Variants in DGKK observed in about 807,000 individuals in gnomAD.
DGKK encodes 142 kDa diacylglycerol kinase.
In DGKK, 35 loss-of-function variants were observed where a neutral mutation model predicts 92.2. The ratio of observed to expected loss-of-function variants is 0.38; its 90% confidence interval spans 0.29 to 0.50. DGKK has a LOEUF of 0.50. Among genes scored for constraint, DGKK ranks in the 20% least tolerant of loss-of-function variants. DGKK has a pLI of 0.92. For missense variants in DGKK, 910 were observed against 992.2 expected (o/e 0.92, Z 1.11); for synonymous variants, 368 against 360.6 (o/e 1.02, Z -0.23).
intron 1 of DGKK, among the ~76,000 whole-genome samples, chrX:50,468,757 AT>A (rs1926975256): frequency 9.1e-6 from 1 of 110,003 alleles, no homozygotes. Flanking sequence ...TCTACATTCT[AT>A]AAGTGTGCGG....
chrX:50,386,257 G>A (rs1924540561), intron 15 of DGKK, 101 bp downstream of exon 15: 1 of 567,234 alleles, frequency 1.8e-6, no homozygotes, highest in Non-Finnish European at 2.9e-6. Context: ...ACTTTTTGTA[G>A]CAGAGTCAGA....
At chrX:50,428,195 AATT>A (rs10665078) in intron 1 of DGKK, among the ~76,000 whole-genome samples, 53 of 105,353 alleles carry the variant, frequency 5.0e-4, no homozygotes, top group Non-Finnish European at 5.4e-4. Context: ...TCCAATAATA[AATT>A]ATTATTATTA....
chrX:50,444,348 T>C (rs1467430390), intron 1 of DGKK, among the ~76,000 whole-genome samples: 1 of 110,899 alleles, frequency 9.0e-6, no homozygotes. Flanking sequence ...ATAAGTAAGC[T>C]CATTTCACAG....
At position 50,365,484 on chromosome X, in the gene DGKK, G is replaced by A. The variant is rs1032699353; in HGVS notation, c.*3456C>T. The A allele has an allele frequency of 1.8e-5, 2 of 111,418 alleles. No homozygotes were observed. The highest frequency in any genetic ancestry group is 6.5e-5 in the African/African-American group (2 of 30,628). 9.2% of individuals were successfully genotyped at this position (111,418 alleles called of 1,213,427 possible). Reference sequence around the variant, plus strand: ...ATTGAGGACTGGTGTTCCATTTGGCGGGGGGAGAGGAATAGGCACACTTTG... The same window carrying A: ...ATTGAGGACTGGTGTTCCATTTGGCAGGGGGAGAGGAATAGGCACACTTTG... On this transcript the variant is annotated 3_prime_UTR_variant, in exon 28 of 28. Transcript: ENST00000611977.
intron 4 of DGKK, among the ~76,000 whole-genome samples, chrX:50,407,384 A>C (rs1490368365): frequency 2.7e-5 from 3 of 111,548 alleles, no homozygotes; most frequent in Non-Finnish European, 5.6e-5. Flanking sequence ...GGTATCAATC[A>C]ATTCAGTCCT....
At chrX:50,428,195 A>AATTATTATTATTATT (rs10665078) in intron 1 of DGKK, among the ~76,000 whole-genome samples, 1 of 105,363 alleles carries the variant, frequency 9.5e-6, no homozygotes, top group African/African-American at 3.5e-5. Context: ...TCCAATAATA[A>AATTATTATTATTATT]ATTATTATTA....
At chrX:50,456,333 T>C (rs1557232881) in intron 1 of DGKK, among the ~76,000 whole-genome samples, 2 of 111,936 alleles carry the variant, frequency 1.8e-5, no homozygotes, top group African/African-American at 6.5e-5. Context: ...TTCTCAGTCC[T>C]CACAAAAAAG....
intron 1 of DGKK, among the ~76,000 whole-genome samples, chrX:50,449,247 A>T (rs1458717150): frequency 9.0e-6 from 1 of 110,735 alleles, no homozygotes; most frequent in African/African-American, 3.3e-5. Context: ...TTGAGATATT[A>T]CCCATTTGGA....
intron 15 of DGKK, among the ~76,000 whole-genome samples, chrX:50,385,545 A>G (rs1408044278): frequency 8.9e-6 from 1 of 111,741 alleles, no homozygotes; most frequent in Non-Finnish European, 1.9e-5. Flanking sequence ...ATAGAGGCAA[A>G]TTGATTGTTT....
At chrX:50,396,606 C>T (rs1217176271) in intron 8 of DGKK, among the ~76,000 whole-genome samples, 7 of 111,188 alleles carry the variant, frequency 6.3e-5, no homozygotes, top group Non-Finnish European at 1.3e-4. Context: ...AACATCAAAC[C>T]TCATCTGTGG....
At chrX:50,377,175 G>A (rs782085128) in intron 22 of DGKK, among the ~76,000 whole-genome samples, 1 of 112,040 alleles carries the variant, frequency 8.9e-6, no homozygotes, top group Non-Finnish European at 1.9e-5. Context: ...TGGGACACCA[G>A]GCTTGGATCA....
intron 1 of DGKK, 56 bp downstream of exon 1, chrX:50,469,978 T>C (rs1927012603): frequency 8.7e-6 from 10 of 1,145,447 alleles, no homozygotes; most frequent in Non-Finnish European, 1.2e-5. Flanking sequence ...GCGGGCTCCA[T>C]AGCCATCTGA....
At chrX:50,463,050 G>T (rs782211869) in intron 1 of DGKK, among the ~76,000 whole-genome samples, 6 of 104,851 alleles carry the variant, frequency 5.7e-5, no homozygotes, top group South Asian at 9.1e-4. Flanking sequence ...TGTGTGTGTG[G>T]TTTTTTTTTC....
At chrX:50,423,829 C>T (rs146034375) in intron 2 of DGKK, among the ~76,000 whole-genome samples, 5,181 of 111,786 alleles carry the variant, frequency 0.046, 208 homozygotes, top group African/African-American at 0.13. Context: ...TATTTAAAAT[C>T]GTATTTTTCT....
chrX:50,447,328 A>G (rs868910405), intron 1 of DGKK, among the ~76,000 whole-genome samples: 688 of 19,292 alleles, frequency 0.036, 44 homozygotes, highest in African/African-American at 0.1. Flanking sequence ...GTGTGTATGT[A>G]TATATATATA....
chrX:50,464,735 G>C (rs782731930), intron 1 of DGKK, among the ~76,000 whole-genome samples: 1 of 110,642 alleles, frequency 9.0e-6, no homozygotes, highest in South Asian at 3.9e-4. Context: ...CTTGTGGTTA[G>C]AGGGATGGTA....
At position 50,466,122 on chromosome X, in the gene DGKK, T is replaced by C. The variant is rs181572991; in HGVS notation, c.645+3912A>G. On this transcript the variant is annotated intron_variant, in intron 1 of 27. Coordinates refer to ENST00000611977, the MANE Select transcript of DGKK (RefSeq NM_001013742.4). ...GGAGATTTTAATAAGTGCATAAGAA[T>C]TGTACTCTGAGAAACTAAAGACCAC... Among the ~76,000 whole-genome samples, 264 of 105,475 alleles carry C rather than the reference T, an allele frequency of 2.5e-3. 2 individuals carry two copies. Among genetic ancestry groups the C allele is most frequent in the African/African-American group, 8.8e-3 (252 of 28,785 alleles). 91.6% of individuals were successfully genotyped at this position (105,475 alleles called of 115,157 possible). A position where few individuals can be genotyped will look rare whatever the true frequency, so the allele number is the denominator to read the frequency against.
intron 4 of DGKK, among the ~76,000 whole-genome samples, chrX:50,408,783 T>TGCC (rs781905650): frequency 1.8e-5 from 2 of 112,075 alleles, no homozygotes; most frequent in Non-Finnish European, 3.8e-5. Context: ...CGTCCATAGA[T>TGCC]GGAGAGGAAT....
At chrX:50,393,416 T>C (rs1924755324) in intron 8 of DGKK, 81 bp from the exon 9 acceptor site, 2 of 835,246 alleles carry the variant, frequency 2.4e-6, no homozygotes, top group Non-Finnish European at 3.3e-6. Flanking sequence ...ACATCACATT[T>C]TGCAATAACT....
Sources: allele counts gnomAD v4.1 joint callset (sites outside exome capture counted in the v4.1 genomes callset), GRCh38; gene constraint gnomAD v4.1.1; transcripts MANE v1.5; gene names NCBI Gene and HGNC (gene_info 2026-07-23, HGNC 2026-07-21).